The following NALF1 variants were observed in gnomAD, a reference collection of about 807,000 sequenced individuals.
NALF1 encodes NALCN channel auxiliary factor 1.
NALF1 carries 3 observed loss-of-function variants against 48.4 expected under a neutral mutation model. That is an observed-to-expected ratio of 0.06 (90% CI 0.03 to 0.16). The LOEUF is 0.16. Ranked by LOEUF, NALF1 falls within the 10% of genes least tolerant of loss-of-function variation. The pLI, the probability that NALF1 is intolerant of heterozygous loss-of-function variation, is 1.00. For missense variants in NALF1, 526 were observed against 571.5 expected, an observed-to-expected ratio of 0.92 and a Z score of 0.81; for synonymous variants, 262 against 245.7, an observed-to-expected ratio of 1.07 and a Z score of -0.62.
chr13:107,725,732 C>G (rs766549275), intron 1 of NALF1, among the ~76,000 whole-genome samples: 6 of 151,486 alleles, frequency 4.0e-5, no homozygotes, highest in Non-Finnish European at 7.4e-5. Flanking sequence ...ATTCAACTCA[C>G]TGACATATTG....
At chr13:107,620,675 G>A (rs927084866) in intron 1 of NALF1, among the ~76,000 whole-genome samples, 1 of 152,034 alleles carries the variant, frequency 6.6e-6, no homozygotes, top group Non-Finnish European at 1.5e-5. Flanking sequence ...TGCATGTTTA[G>A]TATACAAAAA....
chr13:107,692,662 A>G (rs2138505167), intron 1 of NALF1, among the ~76,000 whole-genome samples: 1 of 152,356 alleles, frequency 6.6e-6, no homozygotes, highest in East Asian at 1.9e-4. Context: ...ATCTGAAGCC[A>G]AAACTATGCA....
intron 1 of NALF1, among the ~76,000 whole-genome samples, chr13:107,485,421 T>G (rs1007093568): frequency 6.6e-6 from 1 of 152,180 alleles, no homozygotes; most frequent in African/African-American, 2.4e-5. Flanking sequence ...TCATGTTTTG[T>G]AAGGTGCTAA....
chr13:107,733,758 C>A (rs1415664574), intron 1 of NALF1, among the ~76,000 whole-genome samples: 1 of 152,068 alleles, frequency 6.6e-6, no homozygotes, highest in Non-Finnish European at 1.5e-5. Context: ...ATTTAGATAT[C>A]TTTAGATATT....
intron 2 of NALF1, among the ~76,000 whole-genome samples, chr13:107,180,281 C>T (rs1424555875): frequency 6.6e-6 from 1 of 151,826 alleles, no homozygotes; most frequent in East Asian, 1.9e-4. Flanking sequence ...ACTATGTAAG[C>T]ACAAGAAAGT....
In NALF1 at chr13:107,168,372, C is replaced by A. The variant is rs1310383984; in HGVS notation, c.*2125G>T. 6.6e-6 allele frequency: 1 copy of A among 152,178 alleles called. No homozygotes were observed. Among genetic ancestry groups the A allele is most frequent in the Non-Finnish European group, 1.5e-5 (1 of 68,046 alleles). 9.4% of individuals were successfully genotyped at this position (152,178 alleles called of 1,614,324 possible). A position where few individuals can be genotyped will look rare whatever the true frequency, so the allele number is the denominator to read the frequency against. On this transcript the variant is annotated 3_prime_UTR_variant, in exon 3 of 3. Transcript: ENST00000375915. ...ACAATTCCATGCAATTAATGTGTCT[C>A]CCCCGAGCCATTCACTTCCTCAGCT... is the stretch of plus-strand genomic sequence containing the variant.
intron 1 of NALF1, among the ~76,000 whole-genome samples, chr13:107,723,285 A>T (rs929020413): frequency 7.9e-5 from 12 of 152,010 alleles, no homozygotes; most frequent in Non-Finnish European, 1.8e-4. Context: ...TGTGGTCTAC[A>T]CTCTGAGTTC....
chr13:107,401,244 G>T (rs1218223275), intron 1 of NALF1, among the ~76,000 whole-genome samples: 1 of 152,118 alleles, frequency 6.6e-6, no homozygotes, highest in Non-Finnish European at 1.5e-5. Context: ...CTGCCCATCA[G>T]TCACTTAGTA....
chr13:107,530,520 A>T (rs978201934), intron 1 of NALF1, among the ~76,000 whole-genome samples: 1 of 152,124 alleles, frequency 6.6e-6, no homozygotes, highest in Non-Finnish European at 1.5e-5. Flanking sequence ...GATTTTTTTT[A>T]AATGACAAGA....
intron 1 of NALF1, among the ~76,000 whole-genome samples, chr13:107,579,039 C>A (rs1473923054): frequency 6.6e-6 from 1 of 152,174 alleles, no homozygotes; most frequent in Non-Finnish European, 1.5e-5. Flanking sequence ...TTACTACAAA[C>A]CCTAAGTTTT....
In NALF1 at chr13:107,164,806, G is replaced by A. The variant is rs1878626072; in HGVS notation, c.*5691C>T. On this transcript the variant is annotated 3_prime_UTR_variant, in exon 3 of 3. Transcript: ENST00000375915. ...TGTGAGGTGTTGTTAAAAAAAAAAT[G>A]TAATTAAGAGATAAGCCAAAGAAAT... is the stretch of plus-strand genomic sequence containing the variant. The A allele has an allele frequency of 6.6e-6, 1 of 151,582 alleles. No individual in the cohort carries two copies. The highest frequency in any genetic ancestry group is 1.5e-5 in the Non-Finnish European group (1 of 67,994). 9.4% of individuals were successfully genotyped at this position (151,582 alleles called of 1,614,324 possible).
rs1419535462 is a variant in NALF1 at position 107,284,455 on chromosome 13, T to C, written c.916-73700A>G. 2.6e-5 allele frequency among the ~76,000 whole-genome samples: 4 copies of C among 152,066 alleles called. No homozygotes were observed. The East Asian group carries it at 7.7e-4, about 29-fold the overall frequency. ...ACTGGCTTAAATGTGCTCAAAAAGCTAAAGGAAGCCAGGAACAAAGAACTA... is the reference window on the plus strand; with the variant it reads ...ACTGGCTTAAATGTGCTCAAAAAGCCAAAGGAAGCCAGGAACAAAGAACTA... On this transcript the variant is annotated intron_variant, in intron 1 of 2. Transcript: ENST00000375915.
At chr13:107,547,515 T>C (rs1877166494) in intron 1 of NALF1, among the ~76,000 whole-genome samples, 1 of 152,218 alleles carries the variant, frequency 6.6e-6, no homozygotes. Flanking sequence ...GTACTTTTCA[T>C]GGATTAGTTT....
chr13:107,371,561 A>G (rs1883249406), intron 1 of NALF1, among the ~76,000 whole-genome samples: 1 of 152,360 alleles, frequency 6.6e-6, no homozygotes, highest in South Asian at 2.1e-4. Flanking sequence ...TTTTCTTAAG[A>G]GTCTCCTTAA....
chr13:107,808,007 T>A (rs967888097), intron 1 of NALF1, among the ~76,000 whole-genome samples: 1 of 152,130 alleles, frequency 6.6e-6, no homozygotes, highest in Non-Finnish European at 1.5e-5. Context: ...GTGAGTGTGT[T>A]CCAGGAGGTA....
intron 1 of NALF1, among the ~76,000 whole-genome samples, chr13:107,763,478 A>C (rs934323725): frequency 1.6e-4 from 25 of 151,898 alleles, no homozygotes; most frequent in Middle Eastern, 3.4e-3. Context: ...ATTCAAAAAA[A>C]AAAAAAAAAA....
intron 1 of NALF1, among the ~76,000 whole-genome samples, chr13:107,397,634 C>T (rs1345972488): frequency 1.3e-5 from 2 of 151,774 alleles, no homozygotes; most frequent in African/African-American, 2.4e-5. Context: ...TGGCTTCCTA[C>T]ATTTTGATTT....
At chr13:107,243,359 G>A (rs186605068) in intron 1 of NALF1, among the ~76,000 whole-genome samples, 42 of 152,220 alleles carry the variant, frequency 2.8e-4, no homozygotes, top group Admixed American at 2.4e-3. Context: ...CCCCTGCCCT[G>A]GGCCACGCAG....
chr13:107,800,063 A>C (rs920939906), intron 1 of NALF1, among the ~76,000 whole-genome samples: 22 of 152,298 alleles, frequency 1.4e-4, no homozygotes, highest in Non-Finnish European at 1.6e-4. Flanking sequence ...AACTATGCCT[A>C]ATTCTTCTTT....
Sources: allele counts gnomAD v4.1 joint callset (sites outside exome capture counted in the v4.1 genomes callset), GRCh38; gene constraint gnomAD v4.1.1; transcripts MANE v1.5; gene names NCBI Gene and HGNC (gene_info 2026-07-23, HGNC 2026-07-21).